Variants in TENM4 observed in about 807,000 individuals in gnomAD.
TENM4 encodes teneurin transmembrane protein 4, also known as teneurin-4.
Under a neutral mutation model 243.3 loss-of-function variants are expected in TENM4, and 82 were observed. The observed-to-expected ratio is 0.34, with a 90% CI of 0.28 to 0.40. The LOEUF is 0.40. Among genes scored for constraint, TENM4 ranks in the 10% least tolerant of loss-of-function variants. TENM4 has a pLI of 1.00. For missense variants in TENM4, 3,138 were observed against 3,673.3 expected (o/e 0.85, Z 3.77); for synonymous variants, 1,412 against 1,456.3 (o/e 0.97, Z 0.69).
chr11:79,329,785 G>C (rs1174030011), intron 1 of TENM4, among the ~76,000 whole-genome samples: 2 of 152,222 alleles, frequency 1.3e-5, no homozygotes, highest in African/African-American at 2.4e-5. Context: ...AGGGCAGGTA[G>C]AGTAGGCTGT....
In TENM4 at chr11:78,941,488, A is replaced by G. The variant is rs1030428878; in HGVS notation, c.494-37965T>C. Among the ~76,000 whole-genome samples the G allele has an allele frequency of 3.9e-5, 6 of 152,172 alleles. No individual in the cohort carries two copies. The East Asian group carries it at 9.7e-4, about 25-fold the overall frequency. ...TGGGGGAAGGGGTGCCCAAGTAGGG[A>G]AAGGCTGTTCTGTTCAGGCCTCAGC... On this transcript the variant is annotated intron_variant, in intron 6 of 33. Transcript: ENST00000278550.
At chr11:79,375,087 C>CT (rs1432631383) in intron 1 of TENM4, among the ~76,000 whole-genome samples, 2 of 152,144 alleles carry the variant, frequency 1.3e-5, no homozygotes, top group Admixed American at 6.5e-5. Flanking sequence ...TATTCTAAAT[C>CT]TTTTGTCTAA....
rs79211371 is a variant in TENM4, at chr11:78,889,038, T to C, written c.1084+747A>G. On this transcript the variant is annotated intron_variant, in intron 9 of 33. Transcript: ENST00000278550. ...GGTCAGAAGTAGGAAGGGGTCAGAC[T>C]GTGTTACAAATTCATCAGAAGACTG... Among the ~76,000 whole-genome samples the C allele has an allele frequency of 4.1e-3, 625 of 152,338 alleles. 4 individuals carry two copies. Among genetic ancestry groups the C allele is most frequent in the African/African-American group, 0.015 (605 of 41,582 alleles).
chr11:78,965,018 C>T (rs1382719783), intron 6 of TENM4, among the ~76,000 whole-genome samples: 1 of 152,072 alleles, frequency 6.6e-6, no homozygotes, highest in Admixed American at 6.6e-5. Context: ...CAGGTGTGCA[C>T]TACCATGCCT....
intron 16 of TENM4, among the ~76,000 whole-genome samples, chr11:78,782,740 T>C (rs868463746): frequency 2.0e-5 from 3 of 150,638 alleles, no homozygotes; most frequent in African/African-American, 7.4e-5. Context: ...TACTCCAGCA[T>C]GCGCAACAGA....
chr11:78,791,389 C>G (rs1236409462), intron 15 of TENM4, among the ~76,000 whole-genome samples: 1 of 152,198 alleles, frequency 6.6e-6, no homozygotes, highest in East Asian at 1.9e-4. Flanking sequence ...TTTGACAGCT[C>G]ATATGTCTTT....
Position 78,891,272 on chromosome 11 carries a change from C to G in TENM4, c.814G>C (p.Gly272Arg), listed in dbSNP as rs770915750. ...QDNLIEMDIL[G>R]ASRHDGAYSD... ...TAAGCCCCATCATGGCGGGAGGCGCCGAGAATGTCCATCTCAATGAGGTTG... is the reference window on the plus strand; with the variant it reads ...TAAGCCCCATCATGGCGGGAGGCGCGGAGAATGTCCATCTCAATGAGGTTG... The change falls in exon 8 of 34, where the codon GGC becomes CGC. Residue 272 changes from glycine to arginine, a missense_variant. By Grantham distance (125) the Gly-to-Arg change is moderately radical (BLOSUM62 -2). Transcript: ENST00000278550. 6.4e-7 allele frequency: 1 copy of G among 1,551,694 alleles called. No individual in the cohort carries two copies. The highest frequency in any genetic ancestry group is 2.4e-5 in the East Asian group (1 of 40,902).
At chr11:79,054,303 C>T (rs778439309) in intron 6 of TENM4, among the ~76,000 whole-genome samples, 8 of 152,104 alleles carry the variant, frequency 5.3e-5, no homozygotes, top group Admixed American at 2.6e-4. Flanking sequence ...CCTCTGATCC[C>T]GGAGTCAATC....
chr11:79,049,510 G>A (rs565868272), intron 6 of TENM4, among the ~76,000 whole-genome samples: 1 of 152,340 alleles, frequency 6.6e-6, no homozygotes, highest in East Asian at 1.9e-4. Context: ...GGGCAGAAAG[G>A]AGTTAACATA....
chr11:78,933,404 G>C (rs1856713936), intron 6 of TENM4, among the ~76,000 whole-genome samples: 1 of 152,164 alleles, frequency 6.6e-6, no homozygotes, highest in Non-Finnish European at 1.5e-5. Flanking sequence ...ATTATTATTA[G>C]TCTTCCTATA....
intron 1 of TENM4, among the ~76,000 whole-genome samples, chr11:79,337,808 C>T (rs1279751303): frequency 6.6e-6 from 1 of 152,152 alleles, no homozygotes; most frequent in East Asian, 1.9e-4. Flanking sequence ...TGGGTTTCTG[C>T]CCCATGCCAT....
intron 3 of TENM4, among the ~76,000 whole-genome samples, chr11:79,152,144 TTGA>T (rs1252468857): frequency 6.6e-6 from 1 of 152,182 alleles, no homozygotes; most frequent in African/African-American, 2.4e-5. Context: ...AATGTGTCCA[TTGA>T]GCCTGAGGTT....
intron 1 of TENM4, among the ~76,000 whole-genome samples, chr11:79,345,630 C>A (rs186224320): frequency 9.2e-5 from 14 of 152,292 alleles, no homozygotes; most frequent in Admixed American, 2.6e-4. Context: ...CTAGTTTCAC[C>A]ATTTAGCTGT....
intron 3 of TENM4, among the ~76,000 whole-genome samples, chr11:79,177,371 C>T (rs951929146): frequency 2.0e-5 from 3 of 151,952 alleles, no homozygotes; most frequent in Non-Finnish European, 4.4e-5. Context: ...CCTTTCCTCT[C>T]CTTTTCTTTT....
chr11:79,368,976 T>C (rs901203120), intron 1 of TENM4, among the ~76,000 whole-genome samples: 3 of 152,216 alleles, frequency 2.0e-5, no homozygotes, highest in Admixed American at 6.5e-5. Flanking sequence ...CCAGTAATGA[T>C]GAAGCTTTGT....
intron 3 of TENM4, among the ~76,000 whole-genome samples, chr11:79,193,910 A>G (rs1344469127): frequency 6.6e-6 from 1 of 152,186 alleles, no homozygotes; most frequent in Admixed American, 6.5e-5. Flanking sequence ...ACATCCAGAC[A>G]GGGCCATGGG....
chr11:78,673,673 T>A (rs1858392663), intron 30 of TENM4, among the ~76,000 whole-genome samples: 1 of 152,190 alleles, frequency 6.6e-6, no homozygotes, highest in African/African-American at 2.4e-5. Flanking sequence ...ACTTAGTAAA[T>A]CAGTGGAGTG....
chr11:78,687,575 C>A (rs1014775534), intron 29 of TENM4, among the ~76,000 whole-genome samples: 4 of 152,122 alleles, frequency 2.6e-5, no homozygotes, highest in African/African-American at 9.7e-5. Context: ...AAAGACCAAC[C>A]CGTAACAGGA....
Position 79,069,788 on chromosome 11 carries a change from G to T in TENM4, c.157C>A (p.Arg53Ser), listed in dbSNP as rs61745035. The T allele has an allele frequency of 6.4e-7, 1 of 1,551,246 alleles. No homozygotes were observed. Among genetic ancestry groups the T allele is most frequent in the African/African-American group, 1.4e-5 (1 of 73,182 alleles). Reference protein sequence around the residue: ...ETLKAYDQDARLAYGSRVKDI... With the variant: ...ETLKAYDQDASLAYGSRVKDI... ...TTGACGCGGCTGCCATAGGCTAGGC[G>T]GGCGTCCTGGTCGTAGGCCTTCAGG... The change falls in exon 5 of 34, where the codon CGC becomes AGC. Residue 53 changes from arginine to serine, a missense_variant. Physicochemically the swap from Arg to Ser is moderately radical, Grantham distance 110. Around this residue, in one of 2 missense-constraint regions of TENM4, gnomAD observed 671 missense variants for 614.1 expected, o/e 1.09. Transcript: ENST00000278550.
Sources: allele counts gnomAD v4.1 joint callset (sites outside exome capture counted in the v4.1 genomes callset), GRCh38; gene constraint gnomAD v4.1.1; regional missense constraint gnomAD v4.1.1; transcripts MANE v1.5; gene names NCBI Gene and HGNC (gene_info 2026-07-23, HGNC 2026-07-21).